The following NAV2 variants were observed in gnomAD, a reference collection of about 807,000 sequenced individuals.
NAV2 encodes helicase, APC down-regulated 1.
Under a neutral mutation model 223.2 loss-of-function variants are expected in NAV2, and 54 were observed. The ratio of observed to expected loss-of-function variants is 0.24; its 90% CI spans 0.19 to 0.30. NAV2 has a LOEUF of 0.30. Among genes scored for constraint, NAV2 ranks in the 10% least tolerant of loss-of-function variants. The probability of loss-of-function intolerance (pLI) is 1.00; values close to 1 mark genes in which losing one functional copy is unlikely to be tolerated. For missense variants in NAV2, 2,806 were observed against 3,147.5 expected (o/e 0.89, Z 2.60); for synonymous variants, 1,279 against 1,239.3 (o/e 1.03, Z -0.67).
intron 11 of NAV2, among the ~76,000 whole-genome samples, chr11:20,001,004 G>A (rs1229377355): frequency 6.6e-6 from 1 of 152,118 alleles, no homozygotes; most frequent in East Asian, 1.9e-4. Flanking sequence ...AACCCTTTGT[G>A]GCTCTGTGTC....
chr11:19,357,415 C>T (rs1853681670), intron 1 of NAV2, among the ~76,000 whole-genome samples: 1 of 152,140 alleles, frequency 6.6e-6, no homozygotes, highest in Admixed American at 6.5e-5. Context: ...TCTCCATTTT[C>T]ATTATGAAAA....
chr11:20,068,541 A>G, intron 22 of NAV2, 143 bp downstream of exon 22: 1 of 672,108 alleles, frequency 1.5e-6, no homozygotes, highest in Non-Finnish European at 2.6e-6. Flanking sequence ...ATGGGTGTGA[A>G]TGTCAGTTTG....
At chr11:19,451,717 A>C (rs1167204032) in intron 1 of NAV2, among the ~76,000 whole-genome samples, 1 of 152,196 alleles carries the variant, frequency 6.6e-6, no homozygotes, top group Non-Finnish European at 1.5e-5. Context: ...GACTGAACAT[A>C]AGTCTGAGTT....
intron 37 of NAV2, among the ~76,000 whole-genome samples, chr11:20,116,016 C>G (rs978187175): frequency 3.9e-5 from 6 of 152,168 alleles, no homozygotes; most frequent in Non-Finnish European, 8.8e-5. Context: ...CTAAATTAGA[C>G]CTAACAAATC....
chr11:19,492,366 C>T (rs1008066324), intron 1 of NAV2, among the ~76,000 whole-genome samples: 5 of 152,122 alleles, frequency 3.3e-5, no homozygotes, highest in African/African-American at 1.2e-4. Flanking sequence ...CAGCTTCCCT[C>T]GTAGCCAAAT....
intron 1 of NAV2, among the ~76,000 whole-genome samples, chr11:19,437,189 C>G (rs1177519519): frequency 6.6e-6 from 1 of 152,184 alleles, no homozygotes; most frequent in Non-Finnish European, 1.5e-5. Context: ...CTACTACTAT[C>G]AACTCATTTA....
chr11:20,090,210 G>A (rs1316995095), intron 26 of NAV2, among the ~76,000 whole-genome samples: 1 of 152,172 alleles, frequency 6.6e-6, no homozygotes, highest in Non-Finnish European at 1.5e-5. Context: ...TAATAAAGAA[G>A]TTTCTAATCT....
chr11:19,389,923 G>T (rs1459824417), intron 1 of NAV2, among the ~76,000 whole-genome samples: 9 of 152,214 alleles, frequency 5.9e-5, no homozygotes, highest in Admixed American at 5.9e-4. Context: ...TGTGGCCTCA[G>T]TTCGGAGGCA....
intron 11 of NAV2, among the ~76,000 whole-genome samples, chr11:20,021,435 CGT>C (rs1401172768): frequency 6.6e-6 from 1 of 152,142 alleles, no homozygotes; most frequent in Non-Finnish European, 1.5e-5. Flanking sequence ...CTTTTTAGAG[CGT>C]GTGTGTGCAT....
chr11:20,056,773 T>C (rs2058388661), intron 19 of NAV2: 3 of 635,412 alleles, frequency 4.7e-6, no homozygotes, highest in Non-Finnish European at 8.4e-6. Context: ...TCCACTGCTT[T>C]TTAGGTATAT....
At chr11:19,730,782 C>T (rs2051703013) in intron 1 of NAV2, among the ~76,000 whole-genome samples, 1 of 151,930 alleles carries the variant, frequency 6.6e-6, no homozygotes, top group African/African-American at 2.4e-5. Flanking sequence ...TCTAGTGTCC[C>T]CTTGGTCCTC....
chr11:19,825,047 C>A (rs1178385684), intron 1 of NAV2, among the ~76,000 whole-genome samples: 1 of 152,060 alleles, frequency 6.6e-6, no homozygotes, highest in Non-Finnish European at 1.5e-5. Flanking sequence ...AATCCCAGCA[C>A]TTTGGGAGGC....
intron 1 of NAV2, among the ~76,000 whole-genome samples, chr11:19,624,581 G>A (rs2047107096): frequency 6.6e-6 from 1 of 152,194 alleles, no homozygotes; most frequent in Non-Finnish European, 1.5e-5. Flanking sequence ...CTCCTGGTGT[G>A]CCGTTTGCTG....
chr11:19,582,766 T>C (rs1239010775), intron 1 of NAV2, among the ~76,000 whole-genome samples: 2 of 152,232 alleles, frequency 1.3e-5, no homozygotes, highest in Non-Finnish European at 2.9e-5. Context: ...TTGGTTACTG[T>C]AGCCTTGTAG....
intron 1 of NAV2, among the ~76,000 whole-genome samples, chr11:19,747,221 A>C (rs1326997736): frequency 6.6e-6 from 1 of 151,446 alleles, no homozygotes; most frequent in Non-Finnish European, 1.5e-5. Context: ...AAGGACACGA[A>C]CTCATCATTT....
chr11:19,788,364 C>CA (rs2057293140), intron 1 of NAV2, among the ~76,000 whole-genome samples: 1 of 152,228 alleles, frequency 6.6e-6, no homozygotes, highest in Non-Finnish European at 1.5e-5. Flanking sequence ...TAACCAGCTG[C>CA]ACAAGCCAGA....
chr11:20,031,734 T>TTGTG lies in NAV2; in HGVS notation c.2769-4200_2769-4197dup, dbSNP rs5790104. ...TATTGCATTTTTCTTCATTTTCGCT[T>TTGTG]TGTGTGTGTGTGTGTGTGTGTGTGT... On this transcript the variant is annotated intron_variant, in intron 11 of 37. Coordinates refer to ENST00000349880, the MANE Select transcript of NAV2 (RefSeq NM_145117.5). 5.6e-4 allele frequency among the ~76,000 whole-genome samples: 83 copies of TTGTG among 149,198 alleles called. 1 individual carries two copies. The highest frequency in any genetic ancestry group is 1.1e-3 in the South Asian group (5 of 4,662).
At chr11:19,739,135 T>C (rs531733832) in intron 1 of NAV2, among the ~76,000 whole-genome samples, 9 of 152,130 alleles carry the variant, frequency 5.9e-5, no homozygotes, top group Non-Finnish European at 1.2e-4. Flanking sequence ...TGAACCACGA[T>C]TGTGCCACTG....
chr11:19,790,770 T>C (rs2057460896), intron 1 of NAV2, among the ~76,000 whole-genome samples: 1 of 151,942 alleles, frequency 6.6e-6, no homozygotes, highest in Non-Finnish European at 1.5e-5. Context: ...CAGCACATCA[T>C]GCAACACCAA....
Sources: gnomAD v4.1 joint callset for allele counts (sites outside exome capture counted in the v4.1 genomes callset) on GRCh38, gnomAD v4.1.1 for gene constraint, MANE v1.5 for transcripts, NCBI Gene and HGNC (gene_info 2026-07-23, HGNC 2026-07-21) for gene names.